Variants in PARP8 observed in about 807,000 individuals in gnomAD.
PARP8 encodes protein mono-ADP-ribosyltransferase PARP8.
In PARP8, 51 loss-of-function variants were observed where a neutral mutation model predicts 124.1. The observed-to-expected ratio is 0.41, with a 90% CI of 0.33 to 0.52. PARP8 has a LOEUF of 0.52. Among genes scored for constraint, PARP8 ranks in the 20% least tolerant of loss-of-function variants. The pLI is 0.21. For synonymous variants in PARP8, 391 were observed against 361.5 expected (o/e 1.08, Z -0.93); for missense variants, 860 against 1,018.9 (o/e 0.84, Z 2.12).
intron 2 of PARP8, among the ~76,000 whole-genome samples, chr5:50,701,736 A>G (rs1474655973): frequency 5.3e-5 from 8 of 152,168 alleles, no homozygotes; most frequent in Admixed American, 3.9e-4. Flanking sequence ...AGATATAGCT[A>G]CATCCTACAA....
chr5:50,770,724 C>CAAAA (rs71287147), intron 7 of PARP8, among the ~76,000 whole-genome samples: 3,771 of 150,094 alleles, frequency 0.025, 152 homozygotes, highest in African/African-American at 0.089. Context: ...AGAAAGAAAA[C>CAAAA]GAAGGAAAGA....
At chr5:50,833,873 T>G (rs1580504937) in intron 23 of PARP8, 106 bp from the exon 24 acceptor site, 1 of 781,688 alleles carries the variant, frequency 1.3e-6, no homozygotes, top group East Asian at 2.7e-5. Context: ...GGCTTTTTTT[T>G]TTTGACCTGG....
chr5:50,718,230 A>T (rs909908817), intron 2 of PARP8, among the ~76,000 whole-genome samples: 2 of 152,052 alleles, frequency 1.3e-5, no homozygotes, highest in African/African-American at 4.8e-5. Context: ...GAAAATTCAT[A>T]TTCTGGGAGT....
intron 23 of PARP8, chr5:50,833,527 C>G (rs1400864264): frequency 3.1e-6 from 1 of 326,346 alleles, no homozygotes; most frequent in African/African-American, 2.2e-5. Context: ...AAAAAAAAAT[C>G]CCAGATTTTC....
intron 2 of PARP8, among the ~76,000 whole-genome samples, chr5:50,726,757 C>T (rs1365993969): frequency 2.0e-5 from 3 of 152,072 alleles, no homozygotes; most frequent in South Asian, 2.1e-4. Context: ...ACAAAGGAGA[C>T]GGTCTAGGGC....
rs1386906109 is a variant in PARP8, at chr5:50,763,214, A to T, written c.490A>T (p.Ile164Leu). ...AGCTGATTTGTCAGCAGTTAGAGAG[A>T]TATATGGGCCACATGCAGTTTCTCT... ...LEADLSAVRE[I>L]YGPHAVSLRE... is the part of the protein sequence containing the mutation. The change falls in exon 7 of 26, where the codon ATA (isoleucine) becomes TTA (leucine). Residue 164 changes from isoleucine to leucine, a missense_variant. Transcript: ENST00000281631. 6.2e-7 allele frequency: 1 copy of T among 1,612,970 alleles called. No individual in the cohort carries two copies. Among genetic ancestry groups the T allele is most frequent in the African/African-American group, 1.3e-5 (1 of 75,036 alleles).
At chr5:50,833,204 GA>G (rs1747181852) in intron 23 of PARP8, among the ~76,000 whole-genome samples, 1 of 152,078 alleles carries the variant, frequency 6.6e-6, no homozygotes, top group Non-Finnish European at 1.5e-5. Flanking sequence ...ATATTATGAA[GA>G]AAAATAAATC....
At position 50,841,958 on chromosome 5, in the gene PARP8, T is replaced by C; in HGVS notation, c.2463-8T>C. ...AATGTTTTTATATTTTTATGTTTTG[T>C]ATTTCAGCTATGAAGACGGCCAAGT... On this transcript the variant is annotated splice_region_variant and splice_polypyrimidine_tract_variant and intron_variant, in intron 25 of 25. Coordinates refer to ENST00000281631, the MANE Select transcript of PARP8 (RefSeq NM_024615.4). 6.4e-7 allele frequency: 1 copy of C among 1,557,238 alleles called. No homozygotes were observed. The highest frequency in any genetic ancestry group is 8.8e-7 in the Non-Finnish European group (1 of 1,139,164).
Position 50,731,301 on chromosome 5 carries a change from T to A in PARP8, c.147-18850T>A, listed in dbSNP as rs556476778. 5.3e-5 allele frequency among the ~76,000 whole-genome samples: 8 copies of A among 152,340 alleles called. No homozygotes were observed. The South Asian group carries it at 1.7e-3, about 32-fold the overall frequency. On this transcript the variant is annotated intron_variant, in intron 2 of 25. Transcript: ENST00000281631. Reference sequence around the variant, plus strand: ...CCTTTAGAGAGTGAAATCAAAAATCTCTCAATTTTGAATTTCTTTTTTCAA... The same window carrying A: ...CCTTTAGAGAGTGAAATCAAAAATCACTCAATTTTGAATTTCTTTTTTCAA...
chr5:50,840,531 A>G (rs573384901), intron 25 of PARP8, among the ~76,000 whole-genome samples: 1 of 152,028 alleles, frequency 6.6e-6, no homozygotes, highest in Non-Finnish European at 1.5e-5. Flanking sequence ...GGCTTTGAAT[A>G]TACTGAATTT....
At chr5:50,754,581 C>G (rs943182115) in intron 3 of PARP8, among the ~76,000 whole-genome samples, 3 of 152,036 alleles carry the variant, frequency 2.0e-5, no homozygotes, top group African/African-American at 7.3e-5. Flanking sequence ...TCCAGTCTAT[C>G]ATTGATGGAC....
intron 2 of PARP8, among the ~76,000 whole-genome samples, chr5:50,719,282 T>C (rs1240969427): frequency 3.9e-5 from 6 of 152,108 alleles, no homozygotes; most frequent in Non-Finnish European, 8.8e-5. Context: ...TGGTTGTCTC[T>C]TCACTTTGTT....
chr5:50,826,752 C>T lies in PARP8; in HGVS notation c.1929-3C>T. ...TGTGACTAATGGATCATTTTAATTT[C>T]AGGGTTATATCAAGTAATAGATCAC... On this transcript the variant is annotated splice_polypyrimidine_tract_variant and splice_region_variant and intron_variant, in intron 18 of 25. Coordinates refer to ENST00000281631, the MANE Select transcript of PARP8 (RefSeq NM_024615.4). The T allele has an allele frequency of 6.3e-7, 1 of 1,576,022 alleles. No individual in the cohort carries two copies. The highest frequency in any genetic ancestry group is 8.6e-7 in the Non-Finnish European group (1 of 1,167,728).
chr5:50,824,972 A>G lies in PARP8; in HGVS notation c.1925A>G (p.Gln642Arg). 1 of 1,608,482 alleles carries G rather than the reference A, an allele frequency of 6.2e-7. No individual in the cohort carries two copies. Among genetic ancestry groups the G allele is most frequent in the Non-Finnish European group, 8.5e-7 (1 of 1,175,668 alleles). ...KQDPLAHPLLQWVISSNRSHI... is the reference protein window; with the variant it reads ...KQDPLAHPLLRWVISSNRSHI... ...GACCCCCTTGCTCATCCCTTACTGC[A>G]ATGGTATAAAATTCTAGTTTTCCTC... The change falls in exon 18 of 26, where the codon CAA becomes CGA. Residue 642 changes from glutamine to arginine, a missense_variant. This residue lies in a region of PARP8 where 343 missense variants were observed against 474.7 expected (regional missense o/e 0.72). Transcript: ENST00000281631.
At chr5:50,776,821 T>C (rs1197181794) in intron 7 of PARP8, among the ~76,000 whole-genome samples, 6 of 152,332 alleles carry the variant, frequency 3.9e-5, no homozygotes, top group African/African-American at 1.4e-4. Flanking sequence ...ATTACTTGAA[T>C]ACATAATAGA....
chr5:50,699,833 A>G (rs1305433839), intron 2 of PARP8, among the ~76,000 whole-genome samples: 4 of 152,160 alleles, frequency 2.6e-5, no homozygotes, highest in Non-Finnish European at 5.9e-5. Context: ...GAGTATCAGT[A>G]TCAAGTTGCT....
chr5:50,779,346 C>T (rs1424351876), intron 9 of PARP8, among the ~76,000 whole-genome samples: 1 of 152,164 alleles, frequency 6.6e-6, no homozygotes, highest in African/African-American at 2.4e-5. Context: ...TTGGGCACTT[C>T]TTGCTTGCAG....
chr5:50,793,491 TG>T (rs1742188331), intron 10 of PARP8, among the ~76,000 whole-genome samples: 1 of 152,158 alleles, frequency 6.6e-6, no homozygotes, highest in Non-Finnish European at 1.5e-5. Flanking sequence ...AAAGCACTGA[TG>T]GAGTGATTTT....
intron 2 of PARP8, among the ~76,000 whole-genome samples, chr5:50,681,746 T>C (rs1169522734): frequency 6.6e-6 from 1 of 152,158 alleles, no homozygotes; most frequent in African/African-American, 2.4e-5. Flanking sequence ...ATATCATTTA[T>C]TGTGATCATT....
Sources: gnomAD v4.1 joint callset for allele counts (sites outside exome capture counted in the v4.1 genomes callset) on GRCh38, gnomAD v4.1.1 for gene constraint, gnomAD v4.1.1 regional missense constraint, MANE v1.5 for transcripts, NCBI Gene and HGNC (gene_info 2026-07-23, HGNC 2026-07-21) for gene names.